Variants in CD247 observed in about 807,000 individuals in gnomAD.
The protein encoded by CD247 is T-cell surface glycoprotein CD3 zeta chain.
CD247 carries 13 observed loss-of-function variants against 30.0 expected under a neutral mutation model. That is an observed-to-expected ratio of 0.43 (90% CI 0.28 to 0.69). The LOEUF (loss-of-function observed/expected upper bound fraction) is 0.69, where lower values mean the gene tolerates loss of function less well. Ranked by LOEUF, CD247 falls within the 30% of genes least tolerant of loss-of-function variation. The pLI, the probability that CD247 is intolerant of heterozygous loss-of-function variation, is 0.16. For synonymous variants in CD247, 72 were observed against 80.0 expected, an observed-to-expected ratio of 0.90 and a Z score of 0.53; for missense variants, 193 against 212.6, an observed-to-expected ratio of 0.91 and a Z score of 0.57.
chr1:167,450,827 C>T (rs1182142950), intron 1 of CD247, among the ~76,000 whole-genome samples: 3 of 150,746 alleles, frequency 2.0e-5, no homozygotes, highest in Non-Finnish European at 2.9e-5. Flanking sequence ...GGAGGAGAAT[C>T]GCTTGAACCC....
At chr1:167,459,149 A>T (rs550491868) in intron 1 of CD247, among the ~76,000 whole-genome samples, 1 of 151,592 alleles carries the variant, frequency 6.6e-6, no homozygotes, top group Admixed American at 6.6e-5. Context: ...ATTTTAAAAA[A>T]AAAAAAATCA....
At chr1:167,479,837 C>T (rs765703567) in intron 1 of CD247, among the ~76,000 whole-genome samples, 9 of 152,204 alleles carry the variant, frequency 5.9e-5, no homozygotes, top group South Asian at 2.1e-4. Flanking sequence ...CTTCTGCAAA[C>T]GCCAGTTCTT....
intron 1 of CD247, among the ~76,000 whole-genome samples, chr1:167,480,104 C>T (rs978068227): frequency 2.0e-5 from 3 of 152,236 alleles, no homozygotes; most frequent in Middle Eastern, 3.4e-3. Context: ...ATTAGGCCGA[C>T]GTTCTTTAGA....
intron 1 of CD247, among the ~76,000 whole-genome samples, chr1:167,512,671 C>T (rs1487631152): frequency 3.3e-5 from 5 of 152,224 alleles, no homozygotes; most frequent in Non-Finnish European, 7.3e-5. Context: ...GAAACTGAGG[C>T]ACACATGCTA....
chr1:167,431,417 A>G lies in CD247; in HGVS notation c.*264T>C. The G allele has an allele frequency of 1.7e-6, 1 of 600,734 alleles. No individual in the cohort carries two copies. The highest frequency in any genetic ancestry group is 2.0e-5 in the South Asian group (1 of 49,136). The allele number at this position is 600,734 out of a possible 1,614,324, so 37.2% of individuals were successfully genotyped here. On this transcript the variant is annotated 3_prime_UTR_variant, in exon 8 of 8. Coordinates refer to ENST00000362089, the MANE Select transcript of CD247 (RefSeq NM_198053.3). ...CTCCCAGGGAGAACGAGGAACCGCC[A>G]GGAGACAGGTCTACCTGCACCACCG...
intron 1 of CD247, among the ~76,000 whole-genome samples, chr1:167,514,437 A>G (rs1655518192): frequency 6.6e-6 from 1 of 152,176 alleles, no homozygotes; most frequent in Non-Finnish European, 1.5e-5. Flanking sequence ...ATTATTGCAC[A>G]TTGACTCTGC....
chr1:167,432,345 A>G (rs960203688), intron 7 of CD247, among the ~76,000 whole-genome samples: 2 of 152,214 alleles, frequency 1.3e-5, no homozygotes, highest in Admixed American at 1.3e-4. Context: ...GAGAAGGATC[A>G]ACAGCAGCCA....
chr1:167,451,596 CTT>C (rs1188303390), intron 1 of CD247, among the ~76,000 whole-genome samples: 1 of 152,224 alleles, frequency 6.6e-6, no homozygotes, highest in Non-Finnish European at 1.5e-5. Flanking sequence ...CCCATTCACT[CTT>C]TTGCTCCTTC....
intron 1 of CD247, among the ~76,000 whole-genome samples, chr1:167,447,021 G>A (rs886927483): frequency 2.0e-5 from 3 of 152,188 alleles, no homozygotes; most frequent in Non-Finnish European, 4.4e-5. Flanking sequence ...GATAATGGGT[G>A]TGTACAAAGT....
chr1:167,431,488 A>G lies in CD247; in HGVS notation c.*193T>C. 1.5e-6 allele frequency: 1 copy of G among 657,338 alleles called. No individual in the cohort carries two copies. 40.7% of individuals were successfully genotyped at this position (657,338 alleles called of 1,614,324 possible). On this transcript the variant is annotated 3_prime_UTR_variant, in exon 8 of 8. Transcript: ENST00000362089. ...CCAGGGCCGTAAGCCCTGGGAGTAC[A>G]CTCCCTTAAAGAGTGCAGGGACAAC... is the stretch of plus-strand genomic sequence containing the variant.
intron 1 of CD247, among the ~76,000 whole-genome samples, chr1:167,509,369 CAAAAAAAAAA>C (rs35004744): frequency 1.6e-5 from 1 of 63,858 alleles, no homozygotes; most frequent in South Asian, 5.5e-4. Context: ...AACTCTGTCT[CAAAAAAAAAA>C]AAAAAAAAAA....
At chr1:167,447,191 G>C (rs190995334) in intron 1 of CD247, among the ~76,000 whole-genome samples, 1 of 152,126 alleles carries the variant, frequency 6.6e-6, no homozygotes, top group Admixed American at 6.6e-5. Flanking sequence ...TGCACAATAC[G>C]GGCAGAATTA....
At chr1:167,504,400 A>T (rs1354290413) in intron 1 of CD247, among the ~76,000 whole-genome samples, 2 of 152,366 alleles carry the variant, frequency 1.3e-5, no homozygotes, top group African/African-American at 4.8e-5. Context: ...CAGAAAATAC[A>T]CTGAAAGTGA....
At chr1:167,507,968 C>T (rs915347778) in intron 1 of CD247, among the ~76,000 whole-genome samples, 1 of 152,190 alleles carries the variant, frequency 6.6e-6, no homozygotes, top group African/African-American at 2.4e-5. Flanking sequence ...GGAATTAGGT[C>T]AGCTTCAAGT....
At position 167,471,831 on chromosome 1, in the gene CD247, C is replaced by CTT. The variant is rs111891678; in HGVS notation, c.59-31066_59-31065dup. ...CTTTTTTTTTTCTTTCTGTTTCTTT[C>CTT]TTTTTTTTTTTTTTTTTTTGAGACT... On this transcript the variant is annotated intron_variant, in intron 1 of 7. Coordinates refer to ENST00000362089, the MANE Select transcript of CD247 (RefSeq NM_198053.3). Among the ~76,000 whole-genome samples the CTT allele has an allele frequency of 1.6e-3, 191 of 117,172 alleles. 1 individual carries two copies. Among genetic ancestry groups the CTT allele is most frequent in the Non-Finnish European group, 2.2e-3 (126 of 57,602 alleles). The allele number at this position is 117,172 out of a possible 152,430, so 76.9% of individuals were successfully genotyped here.
rs1276326126 is a variant in CD247, at chr1:167,431,781, G to A, written c.430-35C>T. On this transcript the variant is annotated intron_variant, in intron 7 of 7. Transcript: ENST00000362089. ...AAGCAAATCAGAAAACAAAGAGTGG[G>A]TCAGTAGCCTGTGTGGGCAGGAGCC... is the stretch of plus-strand genomic sequence containing the variant. The A allele has an allele frequency of 3.1e-6, 5 of 1,596,164 alleles. No homozygotes were observed. The South Asian group carries it at 4.4e-5, about 14-fold the overall frequency.
In CD247 at chr1:167,503,230, A is replaced by C. The variant is rs561365150; in HGVS notation, c.58+15178T>G. On this transcript the variant is annotated intron_variant, in intron 1 of 7. Transcript: ENST00000362089. Reference sequence around the variant, plus strand: ...AGGAGGTCCCCCTGGGGCATTTGTCATCAGGCTGAGGCCATGCCCTGAATT... The same window carrying C: ...AGGAGGTCCCCCTGGGGCATTTGTCCTCAGGCTGAGGCCATGCCCTGAATT... Among the ~76,000 whole-genome samples the C allele has an allele frequency of 1.2e-4, 18 of 152,318 alleles. No homozygotes were observed. The East Asian group carries it at 2.9e-3, about 24-fold the overall frequency.
At position 167,431,215 on chromosome 1, in the gene CD247, A is replaced by G. The variant is rs1557989554; in HGVS notation, c.*466T>C. On this transcript the variant is annotated 3_prime_UTR_variant, in exon 8 of 8. Transcript: ENST00000362089. ...TCACCAGGGAGGCACAACATGGCCC[A>G]GTACAGTTACCTTGAAAGGAGGTGA... The G allele has an allele frequency of 2.1e-6, 1 of 486,526 alleles. No individual in the cohort carries two copies. Among genetic ancestry groups the G allele is most frequent in the African/African-American group, 1.9e-5 (1 of 52,188 alleles). The allele number at this position is 486,526 out of a possible 1,614,324, so 30.1% of individuals were successfully genotyped here.
At chr1:167,455,159 A>C (rs1652579438) in intron 1 of CD247, among the ~76,000 whole-genome samples, 1 of 152,190 alleles carries the variant, frequency 6.6e-6, no homozygotes, top group Non-Finnish European at 1.5e-5. Flanking sequence ...GGGAGAGGAA[A>C]TGCCACTTGG....
Sources: allele counts gnomAD v4.1 joint callset (sites outside exome capture counted in the v4.1 genomes callset), GRCh38; gene constraint gnomAD v4.1.1; transcripts MANE v1.5; gene names NCBI Gene and HGNC (gene_info 2026-07-23, HGNC 2026-07-21).